The following KIAA0825 variants were observed in gnomAD, a reference collection of about 807,000 sequenced individuals.
The protein encoded by KIAA0825 is KIAA0825, also known as uncharacterized protein KIAA0825.
In KIAA0825, 119 loss-of-function variants were observed where a neutral mutation model predicts 147.6. That is an observed-to-expected ratio of 0.81 (90% confidence interval 0.69 to 0.94). The LOEUF is 0.94. Among genes scored for constraint, KIAA0825 ranks in the 40% least tolerant of loss-of-function variants. The pLI is 0.00. For missense variants in KIAA0825, 1,381 were observed against 1,472.7 expected (o/e 0.94, Z 1.02); for synonymous variants, 470 against 518.1 (o/e 0.91, Z 1.26).
intron 20 of KIAA0825, among the ~76,000 whole-genome samples, chr5:94,361,582 G>A (rs1054147542): frequency 6.6e-6 from 1 of 152,144 alleles, no homozygotes; most frequent in African/African-American, 2.4e-5. Flanking sequence ...CTTTTACTTT[G>A]TGAAAAATAA....
chr5:94,576,827 C>T (rs1033304627), intron 2 of KIAA0825, among the ~76,000 whole-genome samples: 5 of 152,128 alleles, frequency 3.3e-5, no homozygotes, highest in African/African-American at 1.2e-4. Flanking sequence ...TAGTTGTCTA[C>T]TAACATCTCC....
At chr5:94,247,651 G>A (rs188358147) in intron 20 of KIAA0825, among the ~76,000 whole-genome samples, 2 of 152,164 alleles carry the variant, frequency 1.3e-5, no homozygotes, top group East Asian at 3.9e-4. Context: ...TCCATCACTA[G>A]ACAATAAGTT....
intron 20 of KIAA0825, among the ~76,000 whole-genome samples, chr5:94,356,958 C>T (rs943113066): frequency 6.6e-6 from 1 of 151,826 alleles, no homozygotes; most frequent in East Asian, 2.0e-4. Context: ...CTCCTGACCT[C>T]GTGATCCACC....
At chr5:94,561,548 G>A (rs1025867105) in intron 2 of KIAA0825, among the ~76,000 whole-genome samples, 1 of 152,128 alleles carries the variant, frequency 6.6e-6, no homozygotes, top group Non-Finnish European at 1.5e-5. Context: ...TGTCAGAATT[G>A]AATTTGAATT....
chr5:94,320,093 C>CT (rs1312882903), intron 20 of KIAA0825, among the ~76,000 whole-genome samples: 4 of 151,944 alleles, frequency 2.6e-5, no homozygotes, highest in Non-Finnish European at 4.4e-5. Flanking sequence ...CAAATATTTT[C>CT]TTACAGATGT....
chr5:94,303,642 G>T (rs2150182620), intron 20 of KIAA0825, among the ~76,000 whole-genome samples: 1 of 152,158 alleles, frequency 6.6e-6, no homozygotes, highest in East Asian at 1.9e-4. Flanking sequence ...ATTCAAGTTG[G>T]CAAGTTAAAG....
At chr5:94,354,411 T>C (rs1327541543) in intron 20 of KIAA0825, among the ~76,000 whole-genome samples, 1 of 152,094 alleles carries the variant, frequency 6.6e-6, no homozygotes, top group Non-Finnish European at 1.5e-5. Context: ...AATTTAATAG[T>C]ATTTTGGCAA....
intron 20 of KIAA0825, among the ~76,000 whole-genome samples, chr5:94,343,489 G>C (rs978342203): frequency 6.6e-6 from 1 of 152,146 alleles, no homozygotes; most frequent in East Asian, 1.9e-4. Flanking sequence ...AGGAGGTAGA[G>C]ACCATCTGGC....
Position 94,386,995 on chromosome 5 carries a change from C to CA in KIAA0825, c.3457-592dup, listed in dbSNP as rs926323634. Among the ~76,000 whole-genome samples the CA allele has an allele frequency of 1.1e-4, 16 of 149,598 alleles. 1 individual carries two copies. Among genetic ancestry groups the CA allele is most frequent in the African/African-American group, 2.2e-4 (9 of 40,752 alleles). ...CCCCAACTGCCAGTGCAGGCCTGGG[C>CA]AAAAAAAAAGCCAATCTACAACATT... On this transcript the variant is annotated intron_variant, in intron 18 of 20. Transcript: ENST00000682413.
At chr5:94,532,930 A>G (rs1771124110) in intron 3 of KIAA0825, among the ~76,000 whole-genome samples, 1 of 151,788 alleles carries the variant, frequency 6.6e-6, no homozygotes, top group Admixed American at 6.6e-5. Flanking sequence ...TTTTTAAGAT[A>G]CAATTATATT....
chr5:94,375,503 G>A (rs1324714499), intron 20 of KIAA0825, among the ~76,000 whole-genome samples: 1 of 152,040 alleles, frequency 6.6e-6, no homozygotes, highest in African/African-American at 2.4e-5. Context: ...GTCACTCCTT[G>A]GCTTAAAGGC....
At chr5:94,587,925 C>G (rs1036575682) in intron 1 of KIAA0825, among the ~76,000 whole-genome samples, 2 of 152,152 alleles carry the variant, frequency 1.3e-5, no homozygotes, top group African/African-American at 4.8e-5. Context: ...AGAAATCTCA[C>G]AAAAACAAGC....
chr5:94,364,336 G>A (rs1349430891), intron 20 of KIAA0825, among the ~76,000 whole-genome samples: 1 of 151,496 alleles, frequency 6.6e-6, no homozygotes, highest in Non-Finnish European at 1.5e-5. Context: ...GGCTGTAGAA[G>A]TCATTAACAC....
intron 2 of KIAA0825, among the ~76,000 whole-genome samples, chr5:94,553,770 AC>A (rs1232538603): frequency 2.6e-5 from 4 of 151,342 alleles, no homozygotes; most frequent in Non-Finnish European, 5.9e-5. Flanking sequence ...GTTTAAAAAA[AC>A]AACCAAAAAA....
chr5:94,518,374 G>A (rs1048522217), intron 5 of KIAA0825, among the ~76,000 whole-genome samples: 3 of 152,068 alleles, frequency 2.0e-5, no homozygotes, highest in African/African-American at 7.2e-5. Flanking sequence ...CTTTCTTATG[G>A]TAGGTGGTCA....
intron 12 of KIAA0825, among the ~76,000 whole-genome samples, chr5:94,461,093 T>C (rs937835338): frequency 6.6e-6 from 1 of 151,962 alleles, no homozygotes; most frequent in Non-Finnish European, 1.5e-5. Context: ...CTTGCATAGT[T>C]GTTAAAAATG....
chr5:94,394,499 G>A (rs29923), intron 17 of KIAA0825, among the ~76,000 whole-genome samples: 16,403 of 152,178 alleles, frequency 0.11, 1,169 homozygotes, highest in South Asian at 0.18. Flanking sequence ...TACCAGATGT[G>A]TTGGGGCTGT....
chr5:94,216,408 G>A (rs1454641888), intron 20 of KIAA0825, among the ~76,000 whole-genome samples: 1 of 152,110 alleles, frequency 6.6e-6, no homozygotes, highest in South Asian at 2.1e-4. Flanking sequence ...AAACATTGTT[G>A]GAAGCCTGTT....
rs531931691 is a variant in KIAA0825, at chr5:94,513,251, T to G, written c.970+6997A>C. Reference sequence around the variant, plus strand: ...AATGAGGCTTTTTAAAACCTCAGCATTTTAATCTTTTAAAAAGTTTTTCAG... The same window carrying G: ...AATGAGGCTTTTTAAAACCTCAGCAGTTTAATCTTTTAAAAAGTTTTTCAG... On this transcript the variant is annotated intron_variant, in intron 5 of 20. Coordinates refer to ENST00000682413, the MANE Select transcript of KIAA0825 (RefSeq NM_001145678.3). Among the ~76,000 whole-genome samples, 3 of 152,318 alleles carry G rather than the reference T, an allele frequency of 2.0e-5. No homozygotes were observed. In the East Asian group the frequency reaches 5.8e-4, roughly 29 times the overall value.
Sources: gnomAD v4.1 joint callset for allele counts (sites outside exome capture counted in the v4.1 genomes callset) on GRCh38, gnomAD v4.1.1 for gene constraint, MANE v1.5 for transcripts, NCBI Gene and HGNC (gene_info 2026-07-23, HGNC 2026-07-21) for gene names.